Variants in ROBO2 observed in about 807,000 individuals in gnomAD.
ROBO2 encodes roundabout guidance receptor 2.
ROBO2 carries 53 observed loss-of-function variants against 160.8 expected under a neutral mutation model. The ratio of observed to expected loss-of-function variants is 0.33; its 90% CI spans 0.26 to 0.41. The LOEUF is 0.41. Among genes scored for constraint, ROBO2 ranks in the 10% least tolerant of loss-of-function variants. ROBO2 has a pLI of 1.00. For missense variants in ROBO2, 1,577 were observed against 1,722.4 expected, an observed-to-expected ratio of 0.92 and a Z score of 1.49; for synonymous variants, 664 against 611.7, an observed-to-expected ratio of 1.09 and a Z score of -1.26.
At chr3:76,523,760 C>T (rs1009961001) in intron 2 of ROBO2, among the ~76,000 whole-genome samples, 6 of 152,122 alleles carry the variant, frequency 3.9e-5, no homozygotes, top group Middle Eastern at 3.4e-3. Flanking sequence ...TAAACAACCT[C>T]CGTGAGAAAC....
chr3:76,888,423 AG>A (rs1474369833), intron 2 of ROBO2, among the ~76,000 whole-genome samples: 9 of 152,214 alleles, frequency 5.9e-5, no homozygotes, highest in African/African-American at 1.9e-4. Context: ...GAACATCAGC[AG>A]GCCCAGGCTT....
intron 2 of ROBO2, among the ~76,000 whole-genome samples, chr3:76,331,895 G>A (rs373069694): frequency 6.6e-6 from 1 of 151,742 alleles, no homozygotes; most frequent in East Asian, 1.9e-4. Context: ...TATCGGTCAG[G>A]CTGTTCTCGA....
chr3:76,798,593 C>A (rs150680914), intron 2 of ROBO2, among the ~76,000 whole-genome samples: 1 of 152,228 alleles, frequency 6.6e-6, no homozygotes, highest in East Asian at 1.9e-4. Flanking sequence ...TAAAAGCCCT[C>A]AAAAAACTGG....
intron 2 of ROBO2, among the ~76,000 whole-genome samples, chr3:77,164,787 CCGCCCCGTCCGGGAGG>C (rs2078878075): frequency 2.6e-5 from 1 of 37,996 alleles, no homozygotes; most frequent in Admixed American, 2.1e-4. Flanking sequence ...GCCCGGCCAG[CCGCCCCGTCCGGGAGG>C]TGAGGGGCGC....
intron 2 of ROBO2, among the ~76,000 whole-genome samples, chr3:76,128,958 G>A (rs1443448478): frequency 4.6e-5 from 7 of 151,592 alleles, no homozygotes; most frequent in African/African-American, 1.2e-4. Context: ...GTAGCTACTC[G>A]TCTTCTGGAC....
chr3:76,756,580 A>G (rs2108309172), intron 2 of ROBO2, among the ~76,000 whole-genome samples: 1 of 152,050 alleles, frequency 6.6e-6, no homozygotes, highest in South Asian at 2.1e-4. Context: ...TATGCAGTAG[A>G]CATAGTTATT....
chr3:76,838,321 G>C (rs1249418495), intron 2 of ROBO2, among the ~76,000 whole-genome samples: 1 of 151,924 alleles, frequency 6.6e-6, no homozygotes. Flanking sequence ...TCAGTATAAC[G>C]AACCCACAGA....
chr3:77,446,716 G>T (rs1367605417), intron 2 of ROBO2, among the ~76,000 whole-genome samples: 10 of 151,878 alleles, frequency 6.6e-5, no homozygotes, highest in Admixed American at 6.6e-4. Flanking sequence ...AATTAAATAT[G>T]AATGTCCGTT....
chr3:76,208,051 T>C (rs1702917204), intron 2 of ROBO2, among the ~76,000 whole-genome samples: 1 of 152,196 alleles, frequency 6.6e-6, no homozygotes. Context: ...GTTCCAGCCC[T>C]GTGAACTGCT....
intron 2 of ROBO2, among the ~76,000 whole-genome samples, chr3:76,556,397 T>C (rs555636366): frequency 6.6e-6 from 1 of 152,276 alleles, no homozygotes; most frequent in South Asian, 2.1e-4. Flanking sequence ...GTAAAAATAA[T>C]ACTAATATAT....
intron 2 of ROBO2, among the ~76,000 whole-genome samples, chr3:76,707,113 C>T (rs155475): frequency 0.059 from 8,944 of 151,776 alleles, 335 homozygotes; most frequent in East Asian, 0.11. Context: ...TATACATAGA[C>T]TATATATTAA....
At chr3:76,293,813 A>G (rs187607335) in intron 2 of ROBO2, among the ~76,000 whole-genome samples, 2 of 152,310 alleles carry the variant, frequency 1.3e-5, no homozygotes, top group East Asian at 3.9e-4. Flanking sequence ...TAACCGTTCT[A>G]TTGTCCCAAG....
intron 2 of ROBO2, among the ~76,000 whole-genome samples, chr3:77,262,903 T>G (rs2058868574): frequency 6.6e-6 from 1 of 152,180 alleles, no homozygotes; most frequent in Admixed American, 6.6e-5. Flanking sequence ...AGGTGACAGC[T>G]AACCTTTATT....
chr3:76,746,793 GC>G (rs1189164806), intron 2 of ROBO2, among the ~76,000 whole-genome samples: 1 of 152,038 alleles, frequency 6.6e-6, no homozygotes, highest in Non-Finnish European at 1.5e-5. Flanking sequence ...TTTTCCTAAT[GC>G]TTTCGCTCCC....
chr3:77,523,040 C>A, intron 6 of ROBO2, 138 bp downstream of exon 6: 1 of 914,938 alleles, frequency 1.1e-6, no homozygotes, highest in Non-Finnish European at 1.7e-6. Flanking sequence ...TCCTCTCTAT[C>A]ATTAGTTGAA....
intron 1 of ROBO2, among the ~76,000 whole-genome samples, chr3:77,094,191 C>T (rs963633784): frequency 2.0e-5 from 3 of 152,122 alleles, no homozygotes; most frequent in Non-Finnish European, 4.4e-5. Context: ...CATTGATCTA[C>T]ATTCTATGTC....
intron 5 of ROBO2, among the ~76,000 whole-genome samples, chr3:77,522,361 C>T (rs2090690781): frequency 6.6e-6 from 1 of 151,128 alleles, no homozygotes; most frequent in African/African-American, 2.4e-5. Flanking sequence ...TATATTTCGG[C>T]TCTCTAATAG....
intron 2 of ROBO2, among the ~76,000 whole-genome samples, chr3:76,301,410 T>G (rs1414369162): frequency 6.6e-6 from 1 of 152,154 alleles, no homozygotes; most frequent in African/African-American, 2.4e-5. Flanking sequence ...CTGAGAATTA[T>G]ATAACTTGAA....
chr3:76,221,772 G>A (rs965847578), intron 2 of ROBO2, among the ~76,000 whole-genome samples: 3 of 152,088 alleles, frequency 2.0e-5, no homozygotes, highest in Non-Finnish European at 1.5e-5. Flanking sequence ...TGTCTTTGAG[G>A]TGAGTTCCTT....
Sources: allele counts gnomAD v4.1 joint callset (sites outside exome capture counted in the v4.1 genomes callset), GRCh38; gene constraint gnomAD v4.1.1; transcripts MANE v1.5; gene names NCBI Gene and HGNC (gene_info 2026-07-23, HGNC 2026-07-21).